The following NOVA1 variants were observed in gnomAD, a reference collection of about 807,000 sequenced individuals.
NOVA1 encodes the protein NOVA alternative splicing regulator 1, also known as RNA-binding protein Nova-1.
In NOVA1, 7 loss-of-function variants were observed where a neutral mutation model predicts 38.0. The ratio of observed to expected loss-of-function variants is 0.18; its 90% CI spans 0.10 to 0.35. The LOEUF (loss-of-function observed/expected upper bound fraction) is 0.35. Ranked by LOEUF, NOVA1 falls within the 10% of genes least tolerant of loss-of-function variation. The pLI is 1.00. For synonymous variants in NOVA1, 270 were observed against 232.5 expected, an observed-to-expected ratio of 1.16 and a Z score of -1.47; for missense variants, 460 against 616.0, an observed-to-expected ratio of 0.75 and a Z score of 2.68.
In NOVA1 at chr14:26,576,869, T is replaced by C. The variant is rs1177761381; in HGVS notation, c.280+18541A>G. Among the ~76,000 whole-genome samples, 6 of 152,106 alleles carry C rather than the reference T, an allele frequency of 3.9e-5. No homozygotes were observed. In the East Asian group the frequency reaches 1.2e-3, roughly 29 times the overall value. ...TTCCACAGCTACTTTTTTGGTGTGA[T>C]AAGAGCATGTAAAATCTACTCTCTT... is the stretch of plus-strand genomic sequence containing the variant. On this transcript the variant is annotated intron_variant, in intron 2 of 4. Coordinates refer to ENST00000539517, the MANE Select transcript of NOVA1 (RefSeq NM_002515.3).
intron 2 of NOVA1, chr14:26,568,450 T>C (rs1892268510): frequency 1.3e-5 from 2 of 152,196 alleles, no homozygotes; most frequent in South Asian, 4.1e-4. Context: ...AATAGACGTA[T>C]ATATTTCCAG....
intron 4 of NOVA1, among the ~76,000 whole-genome samples, chr14:26,464,579 T>C (rs1175021109): frequency 6.6e-6 from 1 of 152,202 alleles, no homozygotes; most frequent in Non-Finnish European, 1.5e-5. Context: ...GCCACTTTTA[T>C]TGTGACACAT....
chr14:26,592,783 T>G (rs1893937569), intron 2 of NOVA1: 1 of 151,740 alleles, frequency 6.6e-6, no homozygotes, highest in Non-Finnish European at 1.5e-5. Context: ...TATAATTTCT[T>G]TAAAGTACCT....
chr14:26,544,368 A>G (rs551955725), intron 2 of NOVA1, among the ~76,000 whole-genome samples: 7 of 151,876 alleles, frequency 4.6e-5, no homozygotes, highest in Non-Finnish European at 8.8e-5. Context: ...AGAATCCATT[A>G]AGACTTCCAA....
intron 4 of NOVA1, among the ~76,000 whole-genome samples, chr14:26,467,566 G>GA (rs1022799681): frequency 7.9e-5 from 12 of 152,160 alleles, no homozygotes; most frequent in African/African-American, 2.9e-4. Context: ...TAAGATGAGA[G>GA]AAAAAACAGT....
intron 2 of NOVA1, among the ~76,000 whole-genome samples, chr14:26,552,441 T>C (rs17111369): frequency 0.35 from 53,707 of 151,998 alleles, 11,494 homozygotes; most frequent in African/African-American, 0.6. Context: ...AATGGGAATA[T>C]GCAGTTAGAA....
chr14:26,578,108 G>A (rs1892975603), intron 2 of NOVA1, among the ~76,000 whole-genome samples: 1 of 152,060 alleles, frequency 6.6e-6, no homozygotes, highest in Non-Finnish European at 1.5e-5. Context: ...TGTGTCAAAT[G>A]CTGCTGATGG....
rs867081442 is a variant in NOVA1, at chr14:26,590,848, C to A, written c.280+4562G>T. On this transcript the variant is annotated intron_variant, in intron 2 of 4. Coordinates refer to ENST00000539517, the MANE Select transcript of NOVA1 (RefSeq NM_002515.3). ...TGTTTTTCCAAAGCCCAGAAAGCAT[C>A]AAAAAGCAAATTTCAAAGTAGCATT... Among the ~76,000 whole-genome samples the A allele has an allele frequency of 7.3e-5, 11 of 151,596 alleles. 1 individual carries two copies. Among genetic ancestry groups the A allele is most frequent in the South Asian group, 6.2e-4 (3 of 4,822 alleles).
intron 2 of NOVA1, among the ~76,000 whole-genome samples, chr14:26,554,147 A>G (rs1891334963): frequency 6.8e-6 from 1 of 147,598 alleles, no homozygotes; most frequent in African/African-American, 2.6e-5. Flanking sequence ...AAAAAGAAAG[A>G]AAAGGAAGAA....
intron 2 of NOVA1, among the ~76,000 whole-genome samples, chr14:26,503,719 T>C (rs950302069): frequency 6.6e-6 from 1 of 151,990 alleles, no homozygotes; most frequent in Non-Finnish European, 1.5e-5. Context: ...TAGCAAAAAA[T>C]ATAAAAATTA....
At chr14:26,499,222 A>T (rs982818471) in intron 2 of NOVA1, among the ~76,000 whole-genome samples, 5 of 152,166 alleles carry the variant, frequency 3.3e-5, no homozygotes, top group Non-Finnish European at 7.4e-5. Flanking sequence ...AGATATGTTA[A>T]TTTGCTCTAT....
chr14:26,507,499 A>G (rs150688555), intron 2 of NOVA1, among the ~76,000 whole-genome samples: 1 of 152,310 alleles, frequency 6.6e-6, no homozygotes, highest in African/African-American at 2.4e-5. Flanking sequence ...ACAAATTTTG[A>G]AAGTCAGTAA....
intron 2 of NOVA1, among the ~76,000 whole-genome samples, chr14:26,553,194 G>A (rs1311712415): frequency 2.0e-5 from 3 of 152,142 alleles, no homozygotes; most frequent in Admixed American, 1.3e-4. Context: ...AATCGCCCAG[G>A]GGCTGGCAAT....
intron 4 of NOVA1, among the ~76,000 whole-genome samples, chr14:26,460,000 A>G (rs1245514099): frequency 6.6e-6 from 1 of 151,936 alleles, no homozygotes; most frequent in Non-Finnish European, 1.5e-5. Flanking sequence ...TGGGTATTTT[A>G]TATTTACTGA....
intron 2 of NOVA1, among the ~76,000 whole-genome samples, chr14:26,561,620 A>G (rs1025513330): frequency 2.0e-5 from 3 of 152,216 alleles, no homozygotes; most frequent in African/African-American, 7.2e-5. Context: ...GAGGTGACTT[A>G]CTATTATCAT....
At chr14:26,468,356 T>C (rs1172580503) in intron 4 of NOVA1, among the ~76,000 whole-genome samples, 29 of 150,338 alleles carry the variant, frequency 1.9e-4, no homozygotes, top group Non-Finnish European at 5.9e-5. Context: ...GCCAACAACC[T>C]GGATGAACAG....
At chr14:26,472,416 C>G (rs746639742) in intron 3 of NOVA1, 25 bp from the exon 4 acceptor site, 1 of 1,279,974 alleles carries the variant, frequency 7.8e-7, no homozygotes, top group Non-Finnish European at 1.1e-6. Flanking sequence ...AGTTCAGGAG[C>G]AAATCAACCT....
intron 2 of NOVA1, among the ~76,000 whole-genome samples, chr14:26,488,013 A>T (rs1191599200): frequency 6.6e-6 from 1 of 152,122 alleles, no homozygotes; most frequent in Non-Finnish European, 1.5e-5. Flanking sequence ...CCTACCCTAC[A>T]ATTACTGAGG....
intron 2 of NOVA1, among the ~76,000 whole-genome samples, chr14:26,529,005 C>T (rs1237067480): frequency 6.6e-6 from 1 of 152,144 alleles, no homozygotes; most frequent in African/African-American, 2.4e-5. Flanking sequence ...AATGGCTTGG[C>T]TCTGGATGAG....
Sources: allele counts gnomAD v4.1 joint callset (sites outside exome capture counted in the v4.1 genomes callset), GRCh38; gene constraint gnomAD v4.1.1; transcripts MANE v1.5; gene names NCBI Gene and HGNC (gene_info 2026-07-23, HGNC 2026-07-21).